Variants in EDA observed in about 807,000 individuals in gnomAD.
EDA encodes ectodysplasin A, also known as ectodysplasin-A.
A neutral mutation model predicts 23.6 loss-of-function variants in EDA; 2 were observed. The observed-to-expected ratio is 0.08, with a 90% confidence interval of 0.03 to 0.27. The LOEUF is 0.27. Among genes scored for constraint, EDA ranks in the 10% least tolerant of loss-of-function variants. The pLI is 1.00. For synonymous variants in EDA, 131 were observed against 132.0 expected, an observed-to-expected ratio of 0.99 and a Z score of 0.05; for missense variants, 229 against 324.2, an observed-to-expected ratio of 0.71 and a Z score of 2.26.
chrX:69,949,165 T>C (rs1438362217), intron 1 of EDA, among the ~76,000 whole-genome samples: 4 of 111,945 alleles, frequency 3.6e-5, no homozygotes, highest in African/African-American at 1.3e-4. Flanking sequence ...AATAGATGAT[T>C]TGCTGATTTT....
At chrX:69,710,822 T>C (rs1308834759) in intron 1 of EDA, among the ~76,000 whole-genome samples, 2 of 108,579 alleles carry the variant, frequency 1.8e-5, no homozygotes, top group African/African-American at 7.2e-5. Context: ...AGAATGCTTG[T>C]GATTTTTGCA....
rs57210157 is a variant in EDA at position 69,978,517 on chromosome X, A to AAAAT, written c.502+21388_502+21389insTAAA. Among the ~76,000 whole-genome samples the AAAAT allele has an allele frequency of 1.9e-3, 201 of 103,275 alleles. 4 individuals carry two copies. Among genetic ancestry groups the AAAAT allele is most frequent in the South Asian group, 0.017 (38 of 2,229 alleles). 89.7% of individuals were successfully genotyped at this position (103,275 alleles called of 115,157 possible). ...GAATCTGTCTCAAAAAAAAAAAAAA[A>AAAAT]AAAGAAAGAAAGAAAAAAAGCAGCT... On this transcript the variant is annotated intron_variant, in intron 2 of 7. Transcript: ENST00000374552.
chrX:69,821,372 C>CATCCT (rs1227330144), intron 1 of EDA, among the ~76,000 whole-genome samples: 6 of 109,983 alleles, frequency 5.5e-5, no homozygotes, highest in Non-Finnish European at 7.6e-5. Flanking sequence ...CAAACCTGCA[C>CATCCT]ATCCTGCACA....
intron 1 of EDA, among the ~76,000 whole-genome samples, chrX:69,839,804 G>A (rs1158032437): frequency 8.9e-6 from 1 of 112,050 alleles, no homozygotes; most frequent in African/African-American, 3.2e-5. Context: ...AGCTAGGGCT[G>A]GGGAGCAACA....
In EDA at chrX:69,647,172, G is replaced by A. The variant is rs183494961; in HGVS notation, c.396+30468G>A. Among the ~76,000 whole-genome samples the A allele has an allele frequency of 2.4e-4, 27 of 110,840 alleles. No individual in the cohort carries two copies. The East Asian group carries it at 6.9e-3, about 28-fold the overall frequency. On this transcript the variant is annotated intron_variant, in intron 1 of 7. Transcript: ENST00000374552. ...GCAGAATCTGATGATTATGTGTCTT[G>A]GGGTTGATCTTCTCATGGAGTATCT...
At chrX:69,871,439 G>A (rs2017564336) in intron 1 of EDA, among the ~76,000 whole-genome samples, 1 of 111,411 alleles carries the variant, frequency 9.0e-6, no homozygotes, top group Non-Finnish European at 1.9e-5. Flanking sequence ...GTCCCAAAAC[G>A]GAAGAACTTG....
intron 2 of EDA, among the ~76,000 whole-genome samples, chrX:70,010,096 G>C (rs146134646): frequency 0.018 from 1,999 of 111,808 alleles, 45 homozygotes; most frequent in African/African-American, 0.062. Context: ...ACTATTGTTA[G>C]ATGAAGTATT....
intron 2 of EDA, among the ~76,000 whole-genome samples, chrX:69,995,060 G>C (rs1327044018): frequency 8.9e-6 from 1 of 111,946 alleles, no homozygotes; most frequent in Non-Finnish European, 1.9e-5. Context: ...TAAAAATTAA[G>C]GTTATAAACA....
intron 1 of EDA, among the ~76,000 whole-genome samples, chrX:69,842,910 G>A (rs760850707): frequency 9.0e-6 from 1 of 111,441 alleles, no homozygotes; most frequent in African/African-American, 3.3e-5. Flanking sequence ...ATTTCCTGAG[G>A]CTTCCCCAGA....
intron 1 of EDA, among the ~76,000 whole-genome samples, chrX:69,790,089 A>G (rs2015356416): frequency 8.9e-6 from 1 of 111,785 alleles, no homozygotes; most frequent in Non-Finnish European, 1.9e-5. Context: ...TCCAATTCTT[A>G]ACAAATCCTA....
chrX:69,673,303 G>A (rs1167298812), intron 1 of EDA, among the ~76,000 whole-genome samples: 1 of 111,444 alleles, frequency 9.0e-6, no homozygotes, highest in East Asian at 2.8e-4. Flanking sequence ...AAAGAATAGT[G>A]ATAGTAGGAA....
intron 1 of EDA, chrX:69,729,122 A>G (rs1326204596): frequency 9.0e-6 from 1 of 111,214 alleles, no homozygotes; most frequent in Non-Finnish European, 1.9e-5. Context: ...TTTCTGTCAT[A>G]TCTCTCCTTT....
intron 1 of EDA, among the ~76,000 whole-genome samples, chrX:69,645,867 C>G (rs147440589): frequency 9.1e-6 from 1 of 109,344 alleles, no homozygotes; most frequent in African/African-American, 3.3e-5. Flanking sequence ...TGAGCTGCAT[C>G]GCAGAGATTC....
Position 70,031,452 on chromosome X carries a change from C to A in EDA, c.793+932C>A, listed in dbSNP as rs147936518. The stretch of plus-strand genomic sequence containing the variant: ...TGTCCAGTCCCCAGAGTGCACAAAG[C>A]CTAAAATGCGTGAACCCCCAGGAGC... On this transcript the variant is annotated intron_variant, in intron 6 of 7. Coordinates refer to ENST00000374552, the MANE Select transcript of EDA (RefSeq NM_001399.5). Among the ~76,000 whole-genome samples, 6 of 111,720 alleles carry A rather than the reference C, an allele frequency of 5.4e-5. No homozygotes were observed. The East Asian group carries it at 1.7e-3, about 31-fold the overall frequency.
At chrX:69,801,782 C>T (rs981221619) in intron 1 of EDA, among the ~76,000 whole-genome samples, 1 of 111,538 alleles carries the variant, frequency 9.0e-6, no homozygotes, top group East Asian at 2.8e-4. Flanking sequence ...CTGGAAAATA[C>T]AAGTTAATAC....
chrX:70,002,277 C>A (rs1335018476), intron 2 of EDA, among the ~76,000 whole-genome samples: 7 of 108,274 alleles, frequency 6.5e-5, no homozygotes, highest in African/African-American at 2.4e-4. Flanking sequence ...GTTAAGGTTT[C>A]TATCTGTGTT....
intron 1 of EDA, among the ~76,000 whole-genome samples, chrX:69,770,910 G>T (rs887457147): frequency 9.0e-6 from 1 of 111,460 alleles, no homozygotes; most frequent in Admixed American, 9.5e-5. Flanking sequence ...GTGAAAGTTA[G>T]TTCAACAGCA....
intron 1 of EDA, among the ~76,000 whole-genome samples, chrX:69,734,342 G>C (rs904102588): frequency 4.5e-5 from 5 of 111,539 alleles, no homozygotes; most frequent in Non-Finnish European, 7.5e-5. Context: ...GGTCAGTCTA[G>C]CTATAGATTT....
intron 2 of EDA, among the ~76,000 whole-genome samples, chrX:70,007,010 C>A (rs1301063985): frequency 1.8e-5 from 2 of 111,033 alleles, no homozygotes; most frequent in Non-Finnish European, 3.8e-5. Flanking sequence ...GAAAAAAAAA[C>A]TATCCCTTCT....
Sources: gnomAD v4.1 joint callset for allele counts (sites outside exome capture counted in the v4.1 genomes callset) on GRCh38, gnomAD v4.1.1 for gene constraint, MANE v1.5 for transcripts, NCBI Gene and HGNC (gene_info 2026-07-23, HGNC 2026-07-21) for gene names.